Variants in PTPRK observed in about 807,000 individuals in gnomAD.
PTPRK encodes protein tyrosine phosphatase receptor type K, also known as receptor-type tyrosine-protein phosphatase kappa.
PTPRK carries 75 observed loss-of-function variants against 178.0 expected under a neutral mutation model. That is an observed-to-expected ratio of 0.42 (90% CI 0.35 to 0.51). The LOEUF (loss-of-function observed/expected upper bound fraction) is 0.51, where lower values mean the gene tolerates loss of function less well. Among genes scored for constraint, PTPRK ranks in the 20% least tolerant of loss-of-function variants. The probability of loss-of-function intolerance (pLI) is 0.02; values close to 1 mark genes in which losing one functional copy is unlikely to be tolerated. For missense variants in PTPRK, 1,441 were observed against 1,797.8 expected (o/e 0.80, Z 3.59); for synonymous variants, 637 against 620.6 (o/e 1.03, Z -0.39).
At position 128,123,244 on chromosome 6, in the gene PTPRK, C is replaced by T. The variant is rs1238884500; in HGVS notation, c.1163-33252G>A. Among the ~76,000 whole-genome samples the T allele has an allele frequency of 2.0e-5, 3 of 152,034 alleles. No homozygotes were observed. The East Asian group carries it at 5.8e-4, about 29-fold the overall frequency. ...CTGAAAAAGGCAAGGGAGCATTGTC[C>T]CTAGAAACTTCAGAGAGAGCATGGC... On this transcript the variant is annotated intron_variant, in intron 7 of 29. Coordinates refer to ENST00000368226, the MANE Select transcript of PTPRK (RefSeq NM_002844.4).
At chr6:128,297,305 A>G (rs1329649713) in intron 3 of PTPRK, among the ~76,000 whole-genome samples, 4 of 152,160 alleles carry the variant, frequency 2.6e-5, no homozygotes, top group Admixed American at 6.5e-5. Context: ...TGTCAACATT[A>G]GACAGATCAA....
chr6:128,031,911 T>A (rs112498198), intron 13 of PTPRK, among the ~76,000 whole-genome samples: 6,992 of 152,198 alleles, frequency 0.046, 413 homozygotes, highest in African/African-American at 0.13. Flanking sequence ...TCATGTCCTG[T>A]CTTTCCTGCA....
At chr6:128,207,841 T>G (rs944666592) in intron 6 of PTPRK, among the ~76,000 whole-genome samples, 2 of 152,150 alleles carry the variant, frequency 1.3e-5, no homozygotes, top group Non-Finnish European at 1.5e-5. Context: ...CGCTAAGAGA[T>G]CCTTCAAAAT....
At chr6:128,020,698 A>G (rs1773369751) in intron 13 of PTPRK, among the ~76,000 whole-genome samples, 1 of 152,200 alleles carries the variant, frequency 6.6e-6, no homozygotes, top group African/African-American at 2.4e-5. Context: ...CTAGTGCTCA[A>G]ATTATAAGAA....
At chr6:128,394,434 A>G (rs1454981407) in intron 2 of PTPRK, among the ~76,000 whole-genome samples, 1 of 152,204 alleles carries the variant, frequency 6.6e-6, no homozygotes, top group Non-Finnish European at 1.5e-5. Context: ...ATGCTCCAAC[A>G]GTAGTATTAG....
intron 3 of PTPRK, among the ~76,000 whole-genome samples, chr6:128,285,951 T>G (rs991118322): frequency 6.6e-6 from 1 of 152,156 alleles, no homozygotes; most frequent in African/African-American, 2.4e-5. Flanking sequence ...CCCTGCCTTG[T>G]TCGAACCGTG....
At chr6:128,375,276 G>A (rs1836897159) in intron 2 of PTPRK, among the ~76,000 whole-genome samples, 1 of 151,686 alleles carries the variant, frequency 6.6e-6, no homozygotes, top group Non-Finnish European at 1.5e-5. Flanking sequence ...CAGGAAAAGG[G>A]GTTCAATGGA....
chr6:128,441,256 C>T (rs1846243853), intron 1 of PTPRK, among the ~76,000 whole-genome samples: 1 of 151,966 alleles, frequency 6.6e-6, no homozygotes, highest in African/African-American at 2.4e-5. Flanking sequence ...CCACTTAAAC[C>T]TCTGAAAAGC....
intron 7 of PTPRK, among the ~76,000 whole-genome samples, chr6:128,144,345 T>C (rs1178852480): frequency 1.3e-5 from 2 of 152,234 alleles, no homozygotes; most frequent in African/African-American, 2.4e-5. Context: ...TACATTGCTT[T>C]AAATCTTGTT....
intron 7 of PTPRK, among the ~76,000 whole-genome samples, chr6:128,140,636 TATC>T (rs1444877029): frequency 1.3e-5 from 2 of 151,948 alleles, no homozygotes; most frequent in African/African-American, 4.8e-5. Context: ...TGCTCAGAAT[TATC>T]ATCATCATTG....
chr6:128,125,895 A>C (rs1414420523), intron 7 of PTPRK, among the ~76,000 whole-genome samples: 1 of 151,976 alleles, frequency 6.6e-6, no homozygotes, highest in African/African-American at 2.4e-5. Flanking sequence ...GGCCTGAGCC[A>C]CTGTGCCCAG....
chr6:128,321,572 T>C (rs1828794071), intron 3 of PTPRK: 7 of 508,834 alleles, frequency 1.4e-5, no homozygotes, highest in Non-Finnish European at 1.7e-5. Flanking sequence ...GCCTCCCCCT[T>C]AACATAGTTC....
chr6:128,291,458 A>G (rs1823371026), intron 3 of PTPRK, among the ~76,000 whole-genome samples: 1 of 152,162 alleles, frequency 6.6e-6, no homozygotes. Flanking sequence ...TATGGGATAA[A>G]TTAGAAAACT....
At chr6:128,173,647 C>T (rs1800628719) in intron 7 of PTPRK, among the ~76,000 whole-genome samples, 1 of 151,914 alleles carries the variant, frequency 6.6e-6, no homozygotes, top group Admixed American at 6.6e-5. Context: ...AAGTTAAAAC[C>T]TGTCCCTATA....
intron 1 of PTPRK, among the ~76,000 whole-genome samples, chr6:128,422,521 C>T (rs1163846607): frequency 6.6e-6 from 1 of 151,894 alleles, no homozygotes; most frequent in African/African-American, 2.4e-5. Context: ...TCATTAGATT[C>T]CCATGTACTT....
chr6:128,403,359 G>T (rs1312306457), intron 1 of PTPRK, among the ~76,000 whole-genome samples: 1 of 152,126 alleles, frequency 6.6e-6, no homozygotes, highest in Non-Finnish European at 1.5e-5. Context: ...TAAGGCTTAA[G>T]AATTTTAAGT....
chr6:128,513,483 CAA>C (rs201571531), intron 1 of PTPRK, among the ~76,000 whole-genome samples: 15 of 82,258 alleles, frequency 1.8e-4, no homozygotes, highest in Non-Finnish European at 1.5e-4. Context: ...ACTCCATCTC[CAA>C]AAAAAAAAAA....
chr6:128,349,988 T>C (rs919054850), intron 2 of PTPRK, among the ~76,000 whole-genome samples: 9 of 152,042 alleles, frequency 5.9e-5, no homozygotes, highest in African/African-American at 2.2e-4. Context: ...CCGGGAAGAA[T>C]AGCACATATG....
intron 13 of PTPRK, among the ~76,000 whole-genome samples, chr6:128,058,076 G>A (rs1396563709): frequency 6.6e-6 from 1 of 152,172 alleles, no homozygotes; most frequent in Admixed American, 6.5e-5. Flanking sequence ...ACTACTGGTT[G>A]TTGCTGGGTT....
Sources: gnomAD v4.1 joint callset for allele counts (sites outside exome capture counted in the v4.1 genomes callset) on GRCh38, gnomAD v4.1.1 for gene constraint, MANE v1.5 for transcripts, NCBI Gene and HGNC (gene_info 2026-07-23, HGNC 2026-07-21) for gene names.